COTL1: variants seen among roughly 807,000 people sequenced by gnomAD.
COTL1 encodes the protein coactosin-like protein.
A neutral mutation model predicts 16.5 loss-of-function variants in COTL1; 15 were observed. That is an observed-to-expected ratio of 0.91 (90% confidence interval 0.61 to 1.40). The LOEUF (loss-of-function observed/expected upper bound fraction) is 1.40, where lower values mean the gene tolerates loss of function less well. Ranked by LOEUF, COTL1 falls within the 40% of genes most tolerant of loss-of-function variation. The pLI is 0.00. For missense variants in COTL1, 220 were observed against 201.5 expected (o/e 1.09, Z -0.56); for synonymous variants, 112 against 85.3 (o/e 1.31, Z -1.73).
At position 84,566,782 on chromosome 16, in the gene COTL1, G is replaced by A. The variant is rs1224125949; in HGVS notation, c.*63C>T. 19 of 1,147,806 alleles carry A rather than the reference G, an allele frequency of 1.7e-5. No homozygotes were observed. The East Asian group carries it at 2.1e-4, about 13-fold the overall frequency. 71.1% of individuals were successfully genotyped at this position (1,147,806 alleles called of 1,614,324 possible). On this transcript the variant is annotated 3_prime_UTR_variant, in exon 4 of 4. Coordinates refer to ENST00000262428, the MANE Select transcript of COTL1 (RefSeq NM_021149.5). ...TGGTGGGCTAGTAGCTGAGGCCGGC[G>A]GTCCTCTCCCCCGGGGAGCAGGCAG...
At chr16:84,589,804 C>T (rs1362413566) in intron 3 of COTL1, among the ~76,000 whole-genome samples, 1 of 152,010 alleles carries the variant, frequency 6.6e-6, no homozygotes, top group Non-Finnish European at 1.5e-5. Context: ...TCTGGTCCCC[C>T]CACCAGTTCC....
At chr16:84,579,810 A>G (rs1597170337) in intron 3 of COTL1, among the ~76,000 whole-genome samples, 3 of 152,338 alleles carry the variant, frequency 2.0e-5, no homozygotes, top group Admixed American at 1.3e-4. Flanking sequence ...GGTCCAGGGA[A>G]GAGGAAGAGA....
At chr16:84,588,932 G>C (rs1348422000) in intron 3 of COTL1, among the ~76,000 whole-genome samples, 1 of 151,926 alleles carries the variant, frequency 6.6e-6, no homozygotes, top group African/African-American at 2.4e-5. Context: ...TGTGTCTTTA[G>C]CTATCACCCA....
chr16:84,597,633 G>A (rs1236500825), intron 2 of COTL1, among the ~76,000 whole-genome samples: 3 of 152,202 alleles, frequency 2.0e-5, no homozygotes, highest in Non-Finnish European at 4.4e-5. Context: ...AGGAAGAGGT[G>A]GAGAAGAGGA....
chr16:84,582,997 G>A (rs1249335483), intron 3 of COTL1, among the ~76,000 whole-genome samples: 2 of 152,178 alleles, frequency 1.3e-5, no homozygotes, highest in Non-Finnish European at 2.9e-5. Context: ...TCGAGAATCA[G>A]GAAATTTAAA....
Position 84,565,655 on chromosome 16 carries a change from T to C in COTL1, c.*1190A>G, listed in dbSNP as rs1270978123. 6.6e-6 allele frequency: 1 copy of C among 152,620 alleles called. No homozygotes were observed. Among genetic ancestry groups the C allele is most frequent in the Non-Finnish European group, 1.5e-5 (1 of 68,038 alleles). The allele number at this position is 152,620 out of a possible 1,614,324, so 9.5% of individuals were successfully genotyped here. On this transcript the variant is annotated 3_prime_UTR_variant, in exon 4 of 4. Coordinates refer to ENST00000262428, the MANE Select transcript of COTL1 (RefSeq NM_021149.5). ...AAACTGTCTGAGTGCAGAGATGTTC[T>C]TTACAATCCCAATACAGTACAGATT...
intron 2 of COTL1, among the ~76,000 whole-genome samples, chr16:84,609,662 TAA>T (rs1307544468): frequency 6.6e-6 from 1 of 152,176 alleles, no homozygotes; most frequent in African/African-American, 2.4e-5. Flanking sequence ...TGAATTGTAA[TAA>T]GTGTCAAGGG....
chr16:84,605,623 T>A (rs774495370), intron 2 of COTL1, among the ~76,000 whole-genome samples: 1 of 152,192 alleles, frequency 6.6e-6, no homozygotes, highest in South Asian at 2.1e-4. Context: ...GGACTCGACC[T>A]GCCAGTACTG....
chr16:84,585,896 C>T (rs1386671841), intron 3 of COTL1, among the ~76,000 whole-genome samples: 1 of 152,216 alleles, frequency 6.6e-6, no homozygotes, highest in Non-Finnish European at 1.5e-5. Flanking sequence ...GGCCAGTATT[C>T]CAGCTCCCCC....
chr16:84,591,351 T>C (rs769174087), intron 2 of COTL1, among the ~76,000 whole-genome samples: 12 of 150,262 alleles, frequency 8.0e-5, no homozygotes, highest in South Asian at 2.1e-4. Context: ...ACCTGGCTAA[T>C]TTTTTGTATT....
intron 3 of COTL1, among the ~76,000 whole-genome samples, chr16:84,584,357 T>C (rs2966323): frequency 0.8 from 122,254 of 152,314 alleles, 49,544 homozygotes; most frequent in African/African-American, 0.92. Context: ...TGAATACAGA[T>C]TAAAGAGGAT....
At chr16:84,606,549 C>T (rs1450270104) in intron 2 of COTL1, among the ~76,000 whole-genome samples, 1 of 152,256 alleles carries the variant, frequency 6.6e-6, no homozygotes, top group Non-Finnish European at 1.5e-5. Flanking sequence ...TGATCTTAGG[C>T]ACTGCTAAAT....
At chr16:84,598,772 G>C (rs1905056409) in intron 2 of COTL1, among the ~76,000 whole-genome samples, 1 of 145,318 alleles carries the variant, frequency 6.9e-6, no homozygotes, top group African/African-American at 2.5e-5. Context: ...AGACCAAGCA[G>C]GAGACCAAGC....
chr16:84,566,974 A>G lies in COTL1; in HGVS notation c.319-19T>C, dbSNP rs2150678059. On this transcript the variant is annotated intron_variant, in intron 3 of 3. Coordinates refer to ENST00000262428, the MANE Select transcript of COTL1 (RefSeq NM_021149.5). ...CGAAATTCTGCAAGAACAAAGGAAA[A>G]CACAGCGTTCCTATTAAGAAGGAAG... 1.3e-6 allele frequency: 2 copies of G among 1,566,330 alleles called. No individual in the cohort carries two copies. Among genetic ancestry groups the G allele is most frequent in the Admixed American group, 3.3e-5 (2 of 59,960 alleles).
intron 3 of COTL1, chr16:84,568,623 C>T (rs991311739): frequency 7.2e-5 from 11 of 152,126 alleles, no homozygotes; most frequent in African/African-American, 2.4e-4. Context: ...AAAGCAGACT[C>T]GTGGTTACAC....
intron 3 of COTL1, among the ~76,000 whole-genome samples, chr16:84,572,575 C>T (rs72795429): frequency 0.017 from 2,551 of 152,228 alleles, 29 homozygotes; most frequent in Non-Finnish European, 0.025. Context: ...ATCCTCCCAC[C>T]TCCGCCTTCC....
At chr16:84,596,470 A>G (rs1036685319) in intron 2 of COTL1, 4 of 152,232 alleles carry the variant, frequency 2.6e-5, no homozygotes, top group African/African-American at 9.6e-5. Context: ...GCTGATGGGA[A>G]TCATTGCTGA....
chr16:84,614,507 GA>G (rs1905420437), intron 2 of COTL1, among the ~76,000 whole-genome samples: 1 of 152,062 alleles, frequency 6.6e-6, no homozygotes, highest in Non-Finnish European at 1.5e-5. Flanking sequence ...AGGAAGGGGA[GA>G]AGGGACAGTA....
At chr16:84,615,020 G>T (rs1403765972) in intron 2 of COTL1, among the ~76,000 whole-genome samples, 1 of 152,186 alleles carries the variant, frequency 6.6e-6, no homozygotes, top group Non-Finnish European at 1.5e-5. Context: ...GCCACACCAG[G>T]CTGTTCTGAG....
Sources: gnomAD v4.1 joint callset for allele counts (sites outside exome capture counted in the v4.1 genomes callset) on GRCh38, gnomAD v4.1.1 for gene constraint, MANE v1.5 for transcripts, NCBI Gene and HGNC (gene_info 2026-07-23, HGNC 2026-07-21) for gene names.